Variants in ZCCHC2 observed in about 807,000 individuals in gnomAD.
The protein encoded by ZCCHC2 is zinc finger CCHC-type containing 2, also known as zinc finger CCHC domain-containing protein 2.
In ZCCHC2, 39 loss-of-function variants were observed where a neutral mutation model predicts 103.6. The observed-to-expected ratio is 0.38, with a 90% CI of 0.29 to 0.49. The LOEUF (loss-of-function observed/expected upper bound fraction) is 0.49. Ranked by LOEUF, ZCCHC2 falls within the 20% of genes least tolerant of loss-of-function variation. The pLI, the probability that ZCCHC2 is intolerant of heterozygous loss-of-function variation, is 0.96. For synonymous variants in ZCCHC2, 687 were observed against 608.9 expected (o/e 1.13, Z -1.89); for missense variants, 1,483 against 1,491.0 (o/e 0.99, Z 0.09).
At chr18:62,580,360 G>T (rs1208951743), downstream of ZCCHC2, among the ~76,000 whole-genome samples, 1 of 152,224 alleles carries the variant, frequency 6.6e-6, no homozygotes, top group African/African-American at 2.4e-5. Flanking sequence ...CTCTAGGGCG[G>T]CAAGCTGGGA....
chr18:62,545,869 A>G (rs1915386195), intron 4 of ZCCHC2, among the ~76,000 whole-genome samples: 1 of 152,164 alleles, frequency 6.6e-6, no homozygotes, highest in East Asian at 1.9e-4. Flanking sequence ...TAAATCTATG[A>G]GAGACTTTTA....
chr18:62,580,421 G>T (rs1888470795), downstream of ZCCHC2, among the ~76,000 whole-genome samples: 1 of 152,222 alleles, frequency 6.6e-6, no homozygotes, highest in South Asian at 2.1e-4. Context: ...GCCAAGATTT[G>T]CAGTATTGTT....
chr18:62,542,262 A>G (rs1203502738), intron 2 of ZCCHC2, among the ~76,000 whole-genome samples: 1 of 152,072 alleles, frequency 6.6e-6, no homozygotes, highest in African/African-American at 2.4e-5. Context: ...TTACTTAAAC[A>G]CTCAGCATGT....
chr18:62,573,374 A>G (rs1477894035), intron 12 of ZCCHC2, among the ~76,000 whole-genome samples: 2 of 152,192 alleles, frequency 1.3e-5, no homozygotes, highest in African/African-American at 2.4e-5. Flanking sequence ...AGACTGATGC[A>G]GGAGTAGTAG....
At chr18:62,549,001 C>T (rs55741140) in intron 4 of ZCCHC2, among the ~76,000 whole-genome samples, 25,324 of 151,234 alleles carry the variant, frequency 0.17, 2,767 homozygotes, top group Non-Finnish European at 0.24. Flanking sequence ...GGGTGGATCA[C>T]GAGGTCAGGA....
intron 1 of ZCCHC2, among the ~76,000 whole-genome samples, chr18:62,531,711 C>G (rs1275371889): frequency 6.7e-6 from 1 of 150,054 alleles, no homozygotes; most frequent in Non-Finnish European, 1.5e-5. Flanking sequence ...GTTTGGGAGG[C>G]TGAGGCAGAG....
chr18:62,523,376 G>GGGGCC lies in ZCCHC2; in HGVS notation c.-49_-48insGGGCC. 1.4e-5 allele frequency: 14 copies of GGGGCC among 1,012,336 alleles called. No homozygotes were observed. The highest frequency in any genetic ancestry group is 1.8e-5 in the African/African-American group (1 of 56,958). The allele number at this position is 1,012,336 out of a possible 1,614,324, so 62.7% of individuals were successfully genotyped here. On this transcript the variant is annotated 5_prime_UTR_variant, in exon 1 of 14. Transcript: ENST00000269499. ...GCCTCGGCCCGTGCTCCACCTCGCG[G>GGGGCC]CCCCTCCCGCCCGCCCCCGCTCGCA...
At chr18:62,569,936 T>G (rs1916526025) in intron 11 of ZCCHC2, among the ~76,000 whole-genome samples, 167 bp from the exon 12 acceptor site, 1 of 152,222 alleles carries the variant, frequency 6.6e-6, no homozygotes, top group Non-Finnish European at 1.5e-5. Context: ...ATTAAGTATT[T>G]TCTATTAGAA....
chr18:62,540,989 C>G (rs1308400506), intron 2 of ZCCHC2, among the ~76,000 whole-genome samples: 1 of 152,140 alleles, frequency 6.6e-6, no homozygotes, highest in Non-Finnish European at 1.5e-5. Context: ...GGGTTCTGAC[C>G]AAACAAAACC....
intron 8 of ZCCHC2, among the ~76,000 whole-genome samples, chr18:62,561,220 C>G (rs1341949908): frequency 6.6e-6 from 1 of 152,164 alleles, no homozygotes; most frequent in Non-Finnish European, 1.5e-5. Flanking sequence ...AAATTTTTAT[C>G]TGGAAAAAAT....
At chr18:62,530,910 T>TTTTGTTAAGTTACATGATTC (rs1378787709) in intron 1 of ZCCHC2, among the ~76,000 whole-genome samples, 2 of 152,252 alleles carry the variant, frequency 1.3e-5, no homozygotes, top group Non-Finnish European at 2.9e-5. Context: ...TGTTTTGCAC[T>TTTTGTTAAGTTACATGATTC]TTTGTTAAGT....
chr18:62,526,821 G>T (rs1914429079), intron 1 of ZCCHC2: 1 of 151,272 alleles, frequency 6.6e-6, no homozygotes, highest in South Asian at 2.1e-4. Flanking sequence ...TGGCGGCCGC[G>T]CGCGCCTCCC....
At chr18:62,551,999 A>G (rs1915685039) in intron 5 of ZCCHC2, 1 of 152,144 alleles carries the variant, frequency 6.6e-6, no homozygotes, top group Non-Finnish European at 1.5e-5. Context: ...GAGTATTCTC[A>G]GGATGGGTGG....
At position 62,556,263 on chromosome 18, in the gene ZCCHC2, T is replaced by C. The variant is rs1463057020; in HGVS notation, c.1374T>C (p.Phe458=). Residue 458 remains phenylalanine, a synonymous_variant, in exon 6 of 14, where the codon TTT becomes TTC. Transcript: ENST00000269499. ...AAAGTCAGAAAGTACACAGCTTCTT[T>C]CAGTCCATATCATCAGACTCCCTAC... The part of the protein sequence containing the change: ...FLQSQKVHSF[F]QSISSDSLHS... The C allele has an allele frequency of 8.1e-6, 13 of 1,606,204 alleles. No homozygotes were observed. The highest frequency in any genetic ancestry group is 2.7e-5 in the African/African-American group (2 of 74,846).
chr18:62,535,553 C>G (rs969280257), intron 1 of ZCCHC2, among the ~76,000 whole-genome samples: 3 of 152,132 alleles, frequency 2.0e-5, no homozygotes, highest in Non-Finnish European at 4.4e-5. Flanking sequence ...CAGCTGGGGC[C>G]CAGATGGCAT....
At chr18:62,527,026 C>CCCCCCCCCG (rs56300716) in intron 1 of ZCCHC2, 12 of 36,574 alleles carry the variant, frequency 3.3e-4, no homozygotes, top group South Asian at 2.1e-3. Context: ...CCCCCCCCCC[C>CCCCCCCCCG]CCCGAAAGTA....
At chr18:62,537,788 A>G (rs1914993262) in intron 1 of ZCCHC2, among the ~76,000 whole-genome samples, 1 of 152,186 alleles carries the variant, frequency 6.6e-6, no homozygotes, top group Non-Finnish European at 1.5e-5. Flanking sequence ...TTTTGGGTGT[A>G]TCTTAGAAGT....
chr18:62,564,399 A>G (rs1210539474), intron 9 of ZCCHC2, among the ~76,000 whole-genome samples, 172 bp from the exon 10 acceptor site: 1 of 152,380 alleles, frequency 6.6e-6, no homozygotes, highest in South Asian at 2.1e-4. Context: ...TGTAAGTGTC[A>G]CAGAATATGT....
At chr18:62,550,982 G>A (rs958538515) in intron 5 of ZCCHC2, among the ~76,000 whole-genome samples, 2 of 152,054 alleles carry the variant, frequency 1.3e-5, no homozygotes, top group African/African-American at 2.4e-5. Flanking sequence ...ATTAATTCCC[G>A]GAGCCTCCCA....
Sources: allele counts gnomAD v4.1 joint callset (sites outside exome capture counted in the v4.1 genomes callset), GRCh38; gene constraint gnomAD v4.1.1; transcripts MANE v1.5; gene names NCBI Gene and HGNC (gene_info 2026-07-23, HGNC 2026-07-21).